ZNF516: variants seen among roughly 807,000 people sequenced by gnomAD.
ZNF516 encodes zinc finger protein 516.
In ZNF516, 19 loss-of-function variants were observed where a neutral mutation model predicts 79.7. The observed-to-expected ratio is 0.24, with a 90% CI of 0.17 to 0.35. The LOEUF (loss-of-function observed/expected upper bound fraction) is 0.35. Ranked by LOEUF, ZNF516 falls within the 10% of genes least tolerant of loss-of-function variation. The pLI is 1.00. For missense variants in ZNF516, 1,678 were observed against 1,679.5 expected (o/e 1.00, Z 0.02); for synonymous variants, 877 against 739.5 (o/e 1.19, Z -3.02).
intron 3 of ZNF516, among the ~76,000 whole-genome samples, chr18:76,440,080 A>G (rs1027886277): frequency 6.6e-6 from 1 of 152,242 alleles, no homozygotes; most frequent in Non-Finnish European, 1.5e-5. Context: ...AAAGTCATTT[A>G]TCTATGTATA....
intron 3 of ZNF516, among the ~76,000 whole-genome samples, chr18:76,440,762 G>GTGTGTGTGCA: frequency 8.3e-6 from 1 of 120,204 alleles, no homozygotes; most frequent in African/African-American, 4.6e-5. Flanking sequence ...GTGTGTGTGT[G>GTGTGTGTGCA]CGCGCACGCG....
In ZNF516 at chr18:76,467,855, G is replaced by A. The variant is rs1169105007; in HGVS notation, c.-271-4714C>T. On this transcript the variant is annotated intron_variant, in intron 1 of 6. Coordinates refer to ENST00000443185, the MANE Select transcript of ZNF516 (RefSeq NM_014643.4). The surrounding 1 kb of genome is among the most constrained non-coding windows in gnomAD (Gnocchi z 4.2). ...ACTACATGCATCCCATCCCGCTCAG[G>A]GCAGCTACATATAAGTAATAAACGA... Among the ~76,000 whole-genome samples the A allele has an allele frequency of 2.0e-5, 3 of 152,060 alleles. No individual in the cohort carries two copies. The highest frequency in any genetic ancestry group is 7.3e-5 in the African/African-American group (3 of 41,372).
chr18:76,455,513 C>T (rs1470711349), intron 2 of ZNF516, among the ~76,000 whole-genome samples: 1 of 152,194 alleles, frequency 6.6e-6, no homozygotes, highest in Non-Finnish European at 1.5e-5. Context: ...TCAGGCCCAC[C>T]TAGGCCTCCC....
intron 2 of ZNF516, among the ~76,000 whole-genome samples, chr18:76,462,163 C>A (rs1379553710): frequency 6.6e-6 from 1 of 152,192 alleles, no homozygotes; most frequent in African/African-American, 2.4e-5. Context: ...ACCATGCCCA[C>A]GGGACACACT....
At chr18:76,402,829 G>C (rs2075249618) in intron 3 of ZNF516, among the ~76,000 whole-genome samples, 1 of 152,250 alleles carries the variant, frequency 6.6e-6, no homozygotes, top group South Asian at 2.1e-4. Flanking sequence ...GCTGCCGTCT[G>C]CGCTCGCAGG....
chr18:76,491,128 A>C (rs1915161321), intron 1 of ZNF516: 3 of 979,598 alleles, frequency 3.1e-6, no homozygotes, highest in South Asian at 9.4e-5. Flanking sequence ...CCGCCAGAAC[A>C]AAGTGAAGTT....
chr18:76,490,026 A>C (rs769466689), intron 1 of ZNF516: 1 of 267,704 alleles, frequency 3.7e-6, no homozygotes, highest in Non-Finnish European at 5.7e-6. Flanking sequence ...TATTCAAATT[A>C]GCAAATGTTA....
chr18:76,364,252 C>A (rs1044374680), intron 6 of ZNF516, among the ~76,000 whole-genome samples: 2 of 152,184 alleles, frequency 1.3e-5, no homozygotes, highest in South Asian at 4.1e-4. Flanking sequence ...TCCAATACCT[C>A]ATTTTTTTAA....
intron 3 of ZNF516, among the ~76,000 whole-genome samples, chr18:76,424,809 T>G (rs1257832181): frequency 1.3e-5 from 1 of 78,252 alleles, no homozygotes; most frequent in Non-Finnish European, 2.5e-5. Context: ...GTGAAAAGGC[T>G]CCCCCGAAAC....
chr18:76,379,931 G>A lies in ZNF516; in HGVS notation c.2183C>T (p.Pro728Leu). The A allele has an allele frequency of 6.2e-7, 1 of 1,613,978 alleles. No homozygotes were observed. The highest frequency in any genetic ancestry group is 8.5e-7 in the Non-Finnish European group (1 of 1,179,892). The change falls in exon 4 of 7, where the codon CCA becomes CTA. Residue 728 changes from proline (P) to leucine (L), a missense_variant. Pro to Leu is a moderately conservative substitution (Grantham distance 98). Around this residue, in one of 5 missense-constraint regions of ZNF516, gnomAD observed 1,294 missense variants for 1,248.3 expected, o/e 1.04. Coordinates refer to ENST00000443185, the MANE Select transcript of ZNF516 (RefSeq NM_014643.4). ...HSGGGKRALAPDLMPLDLSAR... is the reference protein window; with the variant it reads ...HSGGGKRALALDLMPLDLSAR... ...ACTTAAATCTAGCGGCATGAGGTCT[G>A]GGGCCAGCGCCCGCTTCCCTCCCCC...
In ZNF516 at chr18:76,441,723, G is replaced by A. The variant is rs1336127439; in HGVS notation, c.1332C>T (p.Ala444=). The part of the protein sequence containing the change: ...LKYGAWDEAL[A]GDVAFDKDRR... ...TGTCCTTGTCGAAGGCCACGTCCCC[G>A]GCCAGCGCCTCGTCCCAGGCCCCGT... The change falls in exon 3 of 7, where the codon GCC becomes GCT. Residue 444 remains alanine, a synonymous_variant. Transcript: ENST00000443185. 5.7e-6 allele frequency: 9 copies of A among 1,573,426 alleles called. No homozygotes were observed. The highest frequency in any genetic ancestry group is 5.3e-5 in the Admixed American group (3 of 56,284).
intron 3 of ZNF516, chr18:76,386,390 G>A (rs1599162166): frequency 6.6e-6 from 1 of 152,238 alleles, no homozygotes; most frequent in East Asian, 1.9e-4. Context: ...GTAATTGCAA[G>A]CATCACATTC....
intron 1 of ZNF516, among the ~76,000 whole-genome samples, chr18:76,472,362 A>G (rs796529140): frequency 7.2e-6 from 1 of 139,420 alleles, no homozygotes; most frequent in East Asian, 1.9e-4. Flanking sequence ...ACACTTGCAC[A>G]TGTGTGTGTG....
intron 1 of ZNF516, among the ~76,000 whole-genome samples, chr18:76,481,878 T>C (rs1599158195): frequency 2.0e-5 from 3 of 152,254 alleles, no homozygotes; most frequent in African/African-American, 7.2e-5. Context: ...AACTTACATC[T>C]TACTGTCATA....
At chr18:76,423,889 C>T (rs1262063522) in intron 3 of ZNF516, among the ~76,000 whole-genome samples, 5 of 105,076 alleles carry the variant, frequency 4.8e-5, no homozygotes, top group African/African-American at 1.3e-4. Flanking sequence ...AAGGTTCCCC[C>T]GAAACACACG....
intron 2 of ZNF516, among the ~76,000 whole-genome samples, chr18:76,450,828 T>A (rs958646014): frequency 2.6e-5 from 4 of 152,188 alleles, no homozygotes; most frequent in African/African-American, 7.2e-5. Flanking sequence ...TGTCTCTGAA[T>A]CGACAGGAAA....
chr18:76,378,576 C>G (rs1436000708), intron 4 of ZNF516, among the ~76,000 whole-genome samples: 1 of 152,232 alleles, frequency 6.6e-6, no homozygotes, highest in Non-Finnish European at 1.5e-5. Context: ...GGAAGCCGTG[C>G]AGGGCTTGCG....
chr18:76,391,194 C>T (rs992931675), intron 3 of ZNF516, among the ~76,000 whole-genome samples: 4 of 152,098 alleles, frequency 2.6e-5, no homozygotes, highest in African/African-American at 4.8e-5. Context: ...TTAGGAAACA[C>T]GCTACAGGGT....
At chr18:76,403,791 T>G (rs1428202584) in intron 3 of ZNF516, among the ~76,000 whole-genome samples, 3 of 152,148 alleles carry the variant, frequency 2.0e-5, no homozygotes, top group Non-Finnish European at 4.4e-5. Flanking sequence ...ATTGACAGAT[T>G]TCCATCAATT....
Sources: gnomAD v4.1 joint callset for allele counts (sites outside exome capture counted in the v4.1 genomes callset) on GRCh38, gnomAD v4.1.1 for gene constraint, gnomAD v4.1.1 regional missense constraint, Gnocchi (gnomAD v3.1) non-coding constraint, MANE v1.5 for transcripts, NCBI Gene and HGNC (gene_info 2026-07-23, HGNC 2026-07-21) for gene names.